CALN1: variants seen among roughly 807,000 people sequenced by gnomAD.
The protein encoded by CALN1 is calneuron 1.
A neutral mutation model predicts 30.6 loss-of-function variants in CALN1; 17 were observed. The ratio of observed to expected loss-of-function variants is 0.56; its 90% CI spans 0.38 to 0.83. The LOEUF (loss-of-function observed/expected upper bound fraction) is 0.83. Among genes scored for constraint, CALN1 ranks in the 40% least tolerant of loss-of-function variants. The pLI, the probability that CALN1 is intolerant of heterozygous loss-of-function variation, is 0.00. For synonymous variants in CALN1, 156 were observed against 131.4 expected, an observed-to-expected ratio of 1.19 and a Z score of -1.28; for missense variants, 291 against 354.9, an observed-to-expected ratio of 0.82 and a Z score of 1.45.
At chr7:71,952,711 C>G (rs138054956) in intron 5 of CALN1, among the ~76,000 whole-genome samples, 1 of 152,032 alleles carries the variant, frequency 6.6e-6, no homozygotes, top group African/African-American at 2.4e-5. Context: ...GCCCCAGGTG[C>G]CGGGCTGTTC....
chr7:72,483,275 T>TTTTTC, the CALN1 span, among the ~76,000 whole-genome samples: 2 of 135,608 alleles, frequency 1.5e-5, no homozygotes, highest in African/African-American at 5.9e-5. Flanking sequence ...TTCCTTTTTC[T>TTTTTC]TTTTCTTTTT....
chr7:72,380,700 T>C (rs1339053221), intron 2 of CALN1, among the ~76,000 whole-genome samples: 1 of 143,484 alleles, frequency 7.0e-6, no homozygotes. Flanking sequence ...GATACATACA[T>C]TAGATTAGAT....
intron 1 of CALN1, among the ~76,000 whole-genome samples, chr7:72,442,530 G>T (rs571209319): frequency 6.7e-6 from 1 of 148,470 alleles, no homozygotes; most frequent in South Asian, 2.1e-4. Context: ...TTTATGTAGG[G>T]TTGCGCTTAT....
intron 3 of CALN1, among the ~76,000 whole-genome samples, chr7:72,125,502 T>C (rs530688382): frequency 3.9e-5 from 6 of 152,258 alleles, no homozygotes; most frequent in South Asian, 2.1e-4. Context: ...ACATGGTGTA[T>C]AGAAAAGTGA....
chr7:72,312,904 G>A lies in CALN1; in HGVS notation c.120-34094C>T, dbSNP rs150714655. Among the ~76,000 whole-genome samples, 215 of 151,532 alleles carry A rather than the reference G, an allele frequency of 1.4e-3. 1 individual carries two copies. Among genetic ancestry groups the A allele is most frequent in the African/African-American group, 4.9e-3 (203 of 41,302 alleles). ...GACTGGAGTACAGTGGTGCAATCTC[G>A]GCTCACTGCAACCTCCACCTCCCGG... On this transcript the variant is annotated intron_variant, in intron 2 of 6. Coordinates refer to ENST00000395275, the MANE Select transcript of CALN1 (RefSeq NM_031468.4).
chr7:72,350,160 G>A (rs1802844274), intron 2 of CALN1, among the ~76,000 whole-genome samples: 1 of 152,060 alleles, frequency 6.6e-6, no homozygotes. Flanking sequence ...CTACTGCTTT[G>A]GCTAGCCAGT....
intron 2 of CALN1, among the ~76,000 whole-genome samples, chr7:72,294,841 C>T (rs1031315247): frequency 3.8e-4 from 57 of 151,912 alleles, no homozygotes; most frequent in African/African-American, 1.3e-3. Flanking sequence ...TGATAAATTA[C>T]CTGGACAAAA....
At chr7:72,061,705 AG>A (rs1803659209) in intron 4 of CALN1, among the ~76,000 whole-genome samples, 2 of 151,850 alleles carry the variant, frequency 1.3e-5, no homozygotes, top group African/African-American at 2.4e-5. Context: ...GCTGCAGAGA[AG>A]AAAAAATATT....
intron 1 of CALN1, among the ~76,000 whole-genome samples, chr7:72,437,446 A>C (rs1475850709): frequency 6.6e-6 from 1 of 152,130 alleles, no homozygotes; most frequent in Non-Finnish European, 1.5e-5. Flanking sequence ...TTTTAGCTTC[A>C]AAACAAAAGA....
rs988892684 is a variant in CALN1 at position 71,795,142 on chromosome 7, G to A, written c.659-7240C>T. 3.3e-5 allele frequency among the ~76,000 whole-genome samples: 5 copies of A among 152,016 alleles called. No individual in the cohort carries two copies. In the South Asian group the frequency reaches 1.0e-3, roughly 32 times the overall value. On this transcript the variant is annotated intron_variant, in intron 6 of 6. Transcript: ENST00000395275. ...AGCAATTCTCCTGCCTCAGCCTCCC[G>A]AGTAGCGGAGAGGGGATTACAGGCA...
chr7:71,955,209 T>C (rs976877845), intron 5 of CALN1, among the ~76,000 whole-genome samples: 1 of 151,816 alleles, frequency 6.6e-6, no homozygotes, highest in Non-Finnish European at 1.5e-5. Flanking sequence ...GATAAAACCA[T>C]CAGATCTCGT....
intron 2 of CALN1, among the ~76,000 whole-genome samples, chr7:72,284,846 T>G (rs1428638720): frequency 6.6e-6 from 1 of 151,942 alleles, no homozygotes. Context: ...TAGATAGAGA[T>G]ATATGATAGA....
chr7:72,337,088 A>T, intron 2 of CALN1: 1 of 985,604 alleles, frequency 1.0e-6, no homozygotes, highest in Non-Finnish European at 1.2e-6. Context: ...GGTTCAGCCC[A>T]TGTGCGCGGC....
chr7:72,316,340 T>C (rs1005429326), intron 2 of CALN1, among the ~76,000 whole-genome samples: 8 of 146,806 alleles, frequency 5.4e-5, no homozygotes, highest in Non-Finnish European at 1.1e-4. Context: ...GTTTTTGCCA[T>C]TGAAAGTAAC....
At chr7:72,222,697 A>AC (rs1484628350) in intron 3 of CALN1, among the ~76,000 whole-genome samples, 1 of 151,654 alleles carries the variant, frequency 6.6e-6, no homozygotes, top group Non-Finnish European at 1.5e-5. Context: ...ACAATCAGAG[A>AC]CCCCCGTGGC....
chr7:71,992,911 G>C (rs1799030779), intron 5 of CALN1, among the ~76,000 whole-genome samples: 1 of 152,212 alleles, frequency 6.6e-6, no homozygotes, highest in African/African-American at 2.4e-5. Context: ...TTGCTGCTAA[G>C]AGTAGGCATA....
upstream of CALN1, among the ~76,000 whole-genome samples, chr7:72,451,161 AAGG>A (rs1252829652): frequency 9.7e-5 from 14 of 144,864 alleles, no homozygotes; most frequent in South Asian, 2.3e-4. Flanking sequence ...GAAGAAGGAG[AAGG>A]AGGAGGAGGA....
intron 4 of CALN1, among the ~76,000 whole-genome samples, chr7:72,102,679 T>C (rs1806761087): frequency 1.3e-5 from 2 of 152,054 alleles, no homozygotes; most frequent in East Asian, 1.9e-4. Flanking sequence ...ATGATTCCAT[T>C]AGTAGAAAAT....
chr7:72,292,559 G>A (rs1798558921), intron 2 of CALN1, among the ~76,000 whole-genome samples: 1 of 151,244 alleles, frequency 6.6e-6, no homozygotes, highest in Non-Finnish European at 1.5e-5. Flanking sequence ...AGTGGCTTAT[G>A]CCTGTAATCC....
Sources: gnomAD v4.1 joint callset for allele counts (sites outside exome capture counted in the v4.1 genomes callset) on GRCh38, gnomAD v4.1.1 for gene constraint, MANE v1.5 for transcripts, NCBI Gene and HGNC (gene_info 2026-07-23, HGNC 2026-07-21) for gene names.